Variants in ERC2 observed in about 807,000 individuals in gnomAD.
ERC2 encodes ELKS/RAB6-interacting/CAST family member 2.
A neutral mutation model predicts 114.8 loss-of-function variants in ERC2; 42 were observed. The ratio of observed to expected loss-of-function variants is 0.37; its 90% CI spans 0.29 to 0.47. The LOEUF is 0.47. Among genes scored for constraint, ERC2 ranks in the 20% least tolerant of loss-of-function variants. The pLI is 0.99. For synonymous variants in ERC2, 454 were observed against 425.5 expected (o/e 1.07, Z -0.82); for missense variants, 939 against 1,150.7 (o/e 0.82, Z 2.66).
In ERC2 at chr3:56,435,042, A is replaced by G. The variant is rs750560303; in HGVS notation, c.-35T>C. 2 of 1,511,924 alleles carry G rather than the reference A, an allele frequency of 1.3e-6. No individual in the cohort carries two copies. The highest frequency in any genetic ancestry group is 1.8e-6 in the Non-Finnish European group (2 of 1,121,360). 93.7% of individuals were successfully genotyped at this position (1,511,924 alleles called of 1,614,324 possible). A position where few individuals can be genotyped will look rare whatever the true frequency, so the allele number is the denominator to read the frequency against. ...ATTATGAGGTGTTACTGAAGAGAAG[A>G]AATGCTATATTAAGTTGGGGTTTGA... On this transcript the variant is annotated 5_prime_UTR_variant, in exon 2 of 18. Coordinates refer to ENST00000288221, the MANE Select transcript of ERC2 (RefSeq NM_015576.3).
intron 11 of ERC2, among the ~76,000 whole-genome samples, chr3:55,987,307 A>T (rs966806709): frequency 1.3e-5 from 2 of 152,226 alleles, no homozygotes; most frequent in African/African-American, 4.8e-5. Context: ...TAATTAAATC[A>T]AGGTCTGTGG....
intron 16 of ERC2, among the ~76,000 whole-genome samples, chr3:55,690,134 G>A (rs931642889): frequency 1.3e-5 from 2 of 152,156 alleles, no homozygotes; most frequent in African/African-American, 2.4e-5. Context: ...TTAATAGATG[G>A]ATGCCCAAAT....
chr3:55,691,634 C>T (rs2062675404), intron 16 of ERC2, among the ~76,000 whole-genome samples: 1 of 132,866 alleles, frequency 7.5e-6, no homozygotes, highest in Non-Finnish European at 1.6e-5. Flanking sequence ...TTTAGACATA[C>T]TAGCTTGGTT....
chr3:55,547,761 C>G (rs2054861173), intron 17 of ERC2, among the ~76,000 whole-genome samples: 1 of 152,210 alleles, frequency 6.6e-6, no homozygotes, highest in Non-Finnish European at 1.5e-5. Flanking sequence ...GTTCCTCATC[C>G]TCTCTGAAGG....
chr3:55,950,787 A>G (rs1483799220), intron 12 of ERC2, among the ~76,000 whole-genome samples: 3 of 152,244 alleles, frequency 2.0e-5, no homozygotes, highest in African/African-American at 7.2e-5. Flanking sequence ...GGCAGGTATA[A>G]TCTTCACTCT....
intron 3 of ERC2, among the ~76,000 whole-genome samples, chr3:56,274,719 C>T (rs1297987486): frequency 2.0e-5 from 3 of 152,038 alleles, no homozygotes; most frequent in East Asian, 1.9e-4. Flanking sequence ...TTGTCTATGT[C>T]AGGTTAGATT....
At chr3:55,645,830 C>T (rs9825548) in intron 17 of ERC2, among the ~76,000 whole-genome samples, 3,482 of 152,204 alleles carry the variant, frequency 0.023, 129 homozygotes, top group African/African-American at 0.078. Flanking sequence ...AATGAATTTT[C>T]GGATAAGGGA....
At chr3:56,189,221 A>G (rs1406910693) in intron 3 of ERC2, among the ~76,000 whole-genome samples, 2 of 152,210 alleles carry the variant, frequency 1.3e-5, no homozygotes, top group African/African-American at 2.4e-5. Flanking sequence ...TTCTTTCTTC[A>G]TAAGACGGTT....
At chr3:55,852,147 G>C (rs1172245090) in intron 14 of ERC2, among the ~76,000 whole-genome samples, 1 of 152,178 alleles carries the variant, frequency 6.6e-6, no homozygotes, top group South Asian at 2.1e-4. Context: ...TTGTACCCGG[G>C]AGGCGGAGGT....
intron 2 of ERC2, among the ~76,000 whole-genome samples, chr3:56,394,021 C>T (rs2060218649): frequency 6.6e-6 from 1 of 152,124 alleles, no homozygotes; most frequent in Non-Finnish European, 1.5e-5. Flanking sequence ...GTCTCCAGCT[C>T]ACTGCCTTTG....
At chr3:55,974,034 A>T (rs1481315416) in intron 12 of ERC2, among the ~76,000 whole-genome samples, 1 of 152,206 alleles carries the variant, frequency 6.6e-6, no homozygotes, top group Non-Finnish European at 1.5e-5. Flanking sequence ...CAAGGAAAGA[A>T]ATCCCACTCT....
chr3:55,749,586 T>A (rs569512371), intron 14 of ERC2, among the ~76,000 whole-genome samples: 93 of 152,226 alleles, frequency 6.1e-4, no homozygotes, highest in Non-Finnish European at 1.1e-3. Flanking sequence ...CAGCGCTCTA[T>A]AAAACGCACC....
intron 7 of ERC2, among the ~76,000 whole-genome samples, chr3:56,041,187 T>C (rs1044050207): frequency 3.9e-5 from 6 of 152,168 alleles, no homozygotes; most frequent in Admixed American, 6.5e-5. Flanking sequence ...TTTAGATATA[T>C]GTTTAAGAGG....
At chr3:55,775,239 G>A (rs2068503902) in intron 14 of ERC2, among the ~76,000 whole-genome samples, 1 of 152,120 alleles carries the variant, frequency 6.6e-6, no homozygotes, top group Non-Finnish European at 1.5e-5. Flanking sequence ...GAAAAAGAAA[G>A]AGAGAGTGGG....
chr3:56,319,021 C>A (rs2057004152), intron 2 of ERC2, among the ~76,000 whole-genome samples: 1 of 151,000 alleles, frequency 6.6e-6, no homozygotes, highest in Non-Finnish European at 1.5e-5. Context: ...AAATTGGAAC[C>A]CTTGTACACT....
chr3:55,705,298 T>C (rs909081008), intron 15 of ERC2, among the ~76,000 whole-genome samples: 5 of 152,076 alleles, frequency 3.3e-5, no homozygotes, highest in Middle Eastern at 3.4e-3. Flanking sequence ...ATAAGGAGAG[T>C]ACACTGGGGA....
chr3:55,720,668 A>C (rs1229907959), intron 15 of ERC2, among the ~76,000 whole-genome samples: 1 of 152,110 alleles, frequency 6.6e-6, no homozygotes, highest in Non-Finnish European at 1.5e-5. Flanking sequence ...GCTCCCAAAA[A>C]AGCAGAAGAG....
intron 3 of ERC2, among the ~76,000 whole-genome samples, chr3:56,241,950 A>G (rs1001568889): frequency 2.1e-4 from 32 of 152,216 alleles, no homozygotes; most frequent in African/African-American, 7.7e-4. Context: ...TCCATGCTAC[A>G]ATGGCAGCAT....
At chr3:56,359,261 C>A (rs78690942) in intron 2 of ERC2, among the ~76,000 whole-genome samples, 3,353 of 152,310 alleles carry the variant, frequency 0.022, 132 homozygotes, top group African/African-American at 0.077. Context: ...TTTCCTTTCT[C>A]TACTTCTTGT....
Sources: gnomAD v4.1 joint callset for allele counts (sites outside exome capture counted in the v4.1 genomes callset) on GRCh38, gnomAD v4.1.1 for gene constraint, MANE v1.5 for transcripts, NCBI Gene and HGNC (gene_info 2026-07-23, HGNC 2026-07-21) for gene names.